Variants in ANTXR1 observed in about 807,000 individuals in gnomAD.
The protein encoded by ANTXR1 is anthrax toxin receptor 1.
In ANTXR1, 19 loss-of-function variants were observed where a neutral mutation model predicts 78.1. The ratio of observed to expected loss-of-function variants is 0.24; its 90% CI spans 0.17 to 0.36. The LOEUF (loss-of-function observed/expected upper bound fraction) is 0.36, where lower values mean the gene tolerates loss of function less well. ANTXR1 is among the 10% of genes least tolerant of loss of function. The pLI is 1.00. For missense variants in ANTXR1, 518 were observed against 718.6 expected, an observed-to-expected ratio of 0.72 and a Z score of 3.19; for synonymous variants, 273 against 260.5, an observed-to-expected ratio of 1.05 and a Z score of -0.46.
chr2:69,141,505 A>G (rs985919353), intron 12 of ANTXR1, among the ~76,000 whole-genome samples: 1 of 151,702 alleles, frequency 6.6e-6, no homozygotes, highest in African/African-American at 2.4e-5. Context: ...CAAGTCAACA[A>G]GCAGTACCTG....
intron 14 of ANTXR1, among the ~76,000 whole-genome samples, chr2:69,175,576 T>C (rs1217355508): frequency 6.6e-6 from 1 of 152,116 alleles, no homozygotes; most frequent in African/African-American, 2.4e-5. Context: ...GTGAACCATG[T>C]TCATGCCACT....
intron 13 of ANTXR1, among the ~76,000 whole-genome samples, chr2:69,164,230 G>A (rs1673762944): frequency 6.6e-6 from 1 of 152,146 alleles, no homozygotes; most frequent in African/African-American, 2.4e-5. Context: ...TTAACCGTAA[G>A]GCCAACCCGT....
intron 1 of ANTXR1, among the ~76,000 whole-genome samples, chr2:69,038,260 G>A (rs1333114826): frequency 2.0e-5 from 3 of 152,070 alleles, no homozygotes; most frequent in African/African-American, 7.3e-5. Context: ...TGCACCTTAG[G>A]CAGCTAGAGT....
intron 1 of ANTXR1, among the ~76,000 whole-genome samples, chr2:69,030,154 TC>T (rs773942377): frequency 1.9e-4 from 29 of 152,176 alleles, no homozygotes; most frequent in Non-Finnish European, 3.4e-4. Context: ...GCTCAGTCTT[TC>T]AAATGTTGCC....
intron 13 of ANTXR1, among the ~76,000 whole-genome samples, chr2:69,157,540 C>T (rs1673560471): frequency 1.3e-5 from 2 of 152,074 alleles, no homozygotes; most frequent in East Asian, 3.9e-4. Context: ...CTCCAGGCTG[C>T]CCAGACTAGG....
chr2:69,067,662 A>G (rs947364317), intron 3 of ANTXR1, among the ~76,000 whole-genome samples: 1 of 151,986 alleles, frequency 6.6e-6, no homozygotes, highest in Non-Finnish European at 1.5e-5. Context: ...CCATGGTGCC[A>G]CCTCTGTGTG....
chr2:69,096,334 A>C lies in ANTXR1; in HGVS notation c.703+5415A>C, dbSNP rs1174651499. ...GAAGGGAGGAAGGGAGGAAGGGAGG[A>C]AGGGAGGAAGGGAGGAAGGGAGGAA... On this transcript the variant is annotated intron_variant, in intron 9 of 17. Coordinates refer to ENST00000303714, the MANE Select transcript of ANTXR1 (RefSeq NM_032208.3). Among the ~76,000 whole-genome samples, 2 of 13,012 alleles carry C rather than the reference A, an allele frequency of 1.5e-4. 1 individual carries two copies. Among genetic ancestry groups the C allele is most frequent in the Non-Finnish European group, 2.7e-4 (2 of 7,486 alleles). 8.5% of individuals were successfully genotyped at this position (13,012 alleles called of 152,430 possible).
intron 12 of ANTXR1, among the ~76,000 whole-genome samples, chr2:69,133,885 A>C (rs759598718): frequency 6.6e-6 from 1 of 152,220 alleles, no homozygotes; most frequent in Non-Finnish European, 1.5e-5. Context: ...CTTTGGGATC[A>C]GATCAATGTG....
intron 3 of ANTXR1, among the ~76,000 whole-genome samples, chr2:69,056,479 G>T (rs980585223): frequency 9.9e-5 from 15 of 152,020 alleles, no homozygotes; most frequent in African/African-American, 3.4e-4. Flanking sequence ...AAAAAAAAAG[G>T]TTAATGAACA....
At chr2:69,101,775 A>G (rs558156347) in intron 9 of ANTXR1, among the ~76,000 whole-genome samples, 8 of 152,292 alleles carry the variant, frequency 5.3e-5, no homozygotes, top group East Asian at 3.9e-4. Context: ...CCTTCAGTCT[A>G]TTTCTCTTGT....
chr2:69,141,005 A>G (rs1052151874), intron 12 of ANTXR1, among the ~76,000 whole-genome samples: 1 of 152,216 alleles, frequency 6.6e-6, no homozygotes, highest in Non-Finnish European at 1.5e-5. Context: ...ATGGTTGATC[A>G]GCTTTGATCA....
intron 13 of ANTXR1, among the ~76,000 whole-genome samples, chr2:69,162,164 GC>G (rs1218539136): frequency 1.3e-5 from 2 of 152,178 alleles, no homozygotes; most frequent in Non-Finnish European, 2.9e-5. Flanking sequence ...TGTTTCCAGG[GC>G]CCAAATAAAG....
At chr2:69,241,150 C>T (rs1448285431) in intron 17 of ANTXR1, among the ~76,000 whole-genome samples, 1 of 152,172 alleles carries the variant, frequency 6.6e-6, no homozygotes, top group Non-Finnish European at 1.5e-5. Context: ...AAAACCAATA[C>T]TGTGGAAAAT....
intron 14 of ANTXR1, among the ~76,000 whole-genome samples, chr2:69,178,571 GGGGCAAGAGGGAGGGGCCA>G (rs1410110539): frequency 7.2e-6 from 1 of 138,438 alleles, no homozygotes; most frequent in African/African-American, 3.5e-5. Flanking sequence ...GGAGGGGCCA[GGGGCAAGAGGGAGGGGCCA>G]GGGACTAGAG....
At chr2:69,021,487 T>C (rs1445442902) in intron 1 of ANTXR1, among the ~76,000 whole-genome samples, 5 of 152,216 alleles carry the variant, frequency 3.3e-5, no homozygotes, top group Non-Finnish European at 5.9e-5. Flanking sequence ...GTGATGGTTC[T>C]GGGAGCCAGG....
intron 12 of ANTXR1, among the ~76,000 whole-genome samples, chr2:69,126,639 C>T (rs1351323832): frequency 6.6e-6 from 1 of 152,018 alleles, no homozygotes; most frequent in East Asian, 1.9e-4. Context: ...GACCACAGAG[C>T]AGAGGAAGTG....
intron 3 of ANTXR1, among the ~76,000 whole-genome samples, chr2:69,054,040 A>G (rs1573816799): frequency 6.6e-6 from 1 of 152,284 alleles, no homozygotes; most frequent in East Asian, 1.9e-4. Flanking sequence ...TTATATCTAA[A>G]TATAATCTTT....
intron 6 of ANTXR1, among the ~76,000 whole-genome samples, chr2:69,074,508 G>C (rs144244622): frequency 6.6e-6 from 1 of 152,150 alleles, no homozygotes; most frequent in East Asian, 1.9e-4. Context: ...TTCTGAAAAA[G>C]AAAGATAAAG....
At chr2:69,059,903 C>A (rs1454297120) in intron 3 of ANTXR1, among the ~76,000 whole-genome samples, 1 of 152,016 alleles carries the variant, frequency 6.6e-6, no homozygotes, top group Admixed American at 6.5e-5. Context: ...ATTTCAAAAG[C>A]CAGATGGTGC....
Sources: allele counts gnomAD v4.1 joint callset (sites outside exome capture counted in the v4.1 genomes callset), GRCh38; gene constraint gnomAD v4.1.1; transcripts MANE v1.5; gene names NCBI Gene and HGNC (gene_info 2026-07-23, HGNC 2026-07-21).